GLB1L2: variants seen among roughly 807,000 people sequenced by gnomAD.
GLB1L2 encodes galactosidase beta 1 like 2, also known as beta-galactosidase-1-like protein 2.
GLB1L2 carries 68 observed loss-of-function variants against 84.1 expected under a neutral mutation model. That is an observed-to-expected ratio of 0.81 (90% CI 0.67 to 0.99). The LOEUF is 0.99. GLB1L2 is among the 50% of genes least tolerant of loss of function. The pLI is 0.00. For synonymous variants in GLB1L2, 290 were observed against 318.0 expected, an observed-to-expected ratio of 0.91 and a Z score of 0.94; for missense variants, 762 against 805.6, an observed-to-expected ratio of 0.95 and a Z score of 0.66.
intron 8 of GLB1L2, among the ~76,000 whole-genome samples, chr11:134,365,327 G>A (rs1943854747): frequency 6.6e-6 from 1 of 152,194 alleles, no homozygotes; most frequent in South Asian, 2.1e-4. Context: ...CTCCTGTGAC[G>A]CAGATCAGGC....
At chr11:134,373,244 C>G (rs1436437808) in intron 15 of GLB1L2, among the ~76,000 whole-genome samples, 1 of 152,192 alleles carries the variant, frequency 6.6e-6, no homozygotes, top group Admixed American at 6.5e-5. Flanking sequence ...CACATCTCTT[C>G]CCTGTTGGAT....
intron 1 of GLB1L2, among the ~76,000 whole-genome samples, chr11:134,336,508 T>G (rs1565432293): frequency 6.6e-6 from 1 of 152,246 alleles, no homozygotes; most frequent in Non-Finnish European, 1.5e-5. Flanking sequence ...GTTTGCAATC[T>G]TTTAGCTACT....
At chr11:134,346,865 T>C (rs998442490) in intron 4 of GLB1L2, 1 of 170,938 alleles carries the variant, frequency 5.9e-6, no homozygotes, top group African/African-American at 2.4e-5. Flanking sequence ...TTGGCAAGGA[T>C]GGGGACTGCC....
chr11:134,359,323 T>C (rs1591619300), intron 7 of GLB1L2, among the ~76,000 whole-genome samples, 182 bp downstream of exon 7: 1 of 152,154 alleles, frequency 6.6e-6, no homozygotes, highest in South Asian at 2.1e-4. Flanking sequence ...GTGTGAGAGA[T>C]TGTGGTGCGT....
rs1943415797 is a variant in GLB1L2 at position 134,338,305 on chromosome 11, C to CA, written c.87-4449_87-4448insA. On this transcript the variant is annotated intron_variant, in intron 1 of 18. Coordinates refer to ENST00000535456, the MANE Select transcript of GLB1L2 (RefSeq NM_001370461.1). The surrounding 1 kb of genome is among the most constrained non-coding windows in gnomAD (Gnocchi z 6.2). ...GGATTGACGGGTGATGCAGGGATGC[C>CA]CGCTGGCATGGCAGGACGCATTTCA... Among the ~76,000 whole-genome samples, 1 of 152,150 alleles carries CA rather than the reference C, an allele frequency of 6.6e-6. No individual in the cohort carries two copies.
At chr11:134,357,346 C>A (rs1300818302) in intron 6 of GLB1L2, among the ~76,000 whole-genome samples, 1 of 152,226 alleles carries the variant, frequency 6.6e-6, no homozygotes, top group Non-Finnish European at 1.5e-5. Flanking sequence ...TCCCCCTTCT[C>A]ACCTGCAGAA....
intron 1 of GLB1L2, among the ~76,000 whole-genome samples, chr11:134,342,314 T>C (rs1219857294): frequency 6.6e-6 from 1 of 152,182 alleles, no homozygotes; most frequent in Admixed American, 6.5e-5. Context: ...GCAGACCCTC[T>C]TTCCAGGTCT....
intron 1 of GLB1L2, among the ~76,000 whole-genome samples, chr11:134,335,983 A>G (rs772932107): frequency 2.3e-4 from 35 of 152,096 alleles, no homozygotes; most frequent in Non-Finnish European, 4.9e-4. Context: ...ACTCAGTTTT[A>G]GCTTTTGCTT....
intron 6 of GLB1L2, among the ~76,000 whole-genome samples, chr11:134,356,828 T>C (rs1943709487): frequency 6.6e-6 from 1 of 152,148 alleles, no homozygotes; most frequent in Non-Finnish European, 1.5e-5. Context: ...TTTCAGTGTG[T>C]AGGGAAGGCT....
chr11:134,347,461 C>G (rs374582962), intron 5 of GLB1L2, 28 bp downstream of exon 5: 36 of 1,462,634 alleles, frequency 2.5e-5, no homozygotes, highest in Middle Eastern at 3.5e-4. Context: ...CTTCTTTGAT[C>G]TTGGTCTGTC....
chr11:134,360,753 TAC>T (rs1257032956), intron 7 of GLB1L2: 1 of 152,224 alleles, frequency 6.6e-6, no homozygotes, highest in African/African-American at 2.4e-5. Context: ...TACTCTTCGT[TAC>T]ATTCTCCAGA....
chr11:134,347,232 G>A (rs1221847592), intron 4 of GLB1L2, 93 bp from the exon 5 acceptor site: 26 of 897,614 alleles, frequency 2.9e-5, no homozygotes, highest in Non-Finnish European at 4.3e-5. Context: ...CTGGAGCACT[G>A]GGGGGCCTCT....
chr11:134,351,037 G>T (rs1410949383), intron 5 of GLB1L2, among the ~76,000 whole-genome samples: 1 of 152,118 alleles, frequency 6.6e-6, no homozygotes, highest in Admixed American at 6.5e-5. Flanking sequence ...TTGACTAATT[G>T]CTCTGGCAGG....
At chr11:134,366,656 T>G (rs1270945871) in intron 8 of GLB1L2, among the ~76,000 whole-genome samples, 1 of 152,192 alleles carries the variant, frequency 6.6e-6, no homozygotes, top group East Asian at 1.9e-4. Flanking sequence ...AAAGAAGATT[T>G]AAGATTTGTT....
chr11:134,374,269 C>G lies in GLB1L2; in HGVS notation c.1707+13C>G, dbSNP rs757164635. 4 of 1,568,470 alleles carry G rather than the reference C, an allele frequency of 2.6e-6. No individual in the cohort carries two copies. In the Admixed American group the frequency reaches 6.7e-5, roughly 26 times the overall value. ...TCTGAAGCTGGAGGTTGGTAACGCC[C>G]TTTTCCCTGCCAGTTTCTCCCACCT... On this transcript the variant is annotated intron_variant, in intron 17 of 18. Coordinates refer to ENST00000535456, the MANE Select transcript of GLB1L2 (RefSeq NM_001370461.1).
intron 1 of GLB1L2, 57 bp downstream of exon 1, chr11:134,332,204 CCTCGGGTT>C: frequency 7.9e-7 from 1 of 1,270,086 alleles, no homozygotes. Context: ...GCCCTCCGCA[CCTCGGGTT>C]CTCTCCTCCC....
chr11:134,374,022 G>A (rs1453249747), intron 16 of GLB1L2, 123 bp from the exon 17 acceptor site: 9 of 792,930 alleles, frequency 1.1e-5, no homozygotes, highest in East Asian at 2.4e-5. Context: ...GCCATTCTGT[G>A]TCCTGGTTAA....
intron 8 of GLB1L2, 191 bp downstream of exon 8, chr11:134,364,589 G>T: frequency 1.7e-6 from 1 of 586,580 alleles, no homozygotes; most frequent in Non-Finnish European, 3.0e-6. Flanking sequence ...GGGCTGCTGT[G>T]TAGGCTGATG....
chr11:134,362,259 A>G (rs974336012), intron 7 of GLB1L2, among the ~76,000 whole-genome samples: 2 of 151,908 alleles, frequency 1.3e-5, no homozygotes, highest in Non-Finnish European at 2.9e-5. Context: ...AATGGATACT[A>G]CCTTTCTTAT....
Sources: gnomAD v4.1 joint callset for allele counts (sites outside exome capture counted in the v4.1 genomes callset) on GRCh38, gnomAD v4.1.1 for gene constraint, Gnocchi (gnomAD v3.1) non-coding constraint, MANE v1.5 for transcripts, NCBI Gene and HGNC (gene_info 2026-07-23, HGNC 2026-07-21) for gene names.